Variants in GFRA1 observed in about 807,000 individuals in gnomAD.
GFRA1 encodes the protein GDNF family receptor alpha-1.
Under a neutral mutation model 51.6 loss-of-function variants are expected in GFRA1, and 16 were observed. The observed-to-expected ratio is 0.31, with a 90% confidence interval of 0.21 to 0.47. The LOEUF is 0.47. Among genes scored for constraint, GFRA1 ranks in the 20% least tolerant of loss-of-function variants. The pLI is 1.00. For missense variants in GFRA1, 530 were observed against 594.3 expected, an observed-to-expected ratio of 0.89 and a Z score of 1.13; for synonymous variants, 270 against 241.3, an observed-to-expected ratio of 1.12 and a Z score of -1.10.
chr10:116,127,684 G>C (rs1395337627), intron 5 of GFRA1, among the ~76,000 whole-genome samples: 2 of 152,164 alleles, frequency 1.3e-5, no homozygotes, highest in African/African-American at 4.8e-5. Context: ...GAGTGAAATA[G>C]TCGCCATGTG....
chr10:116,206,957 T>A (rs4636574), intron 5 of GFRA1, among the ~76,000 whole-genome samples: 1 of 151,974 alleles, frequency 6.6e-6, no homozygotes, highest in African/African-American at 2.4e-5. Flanking sequence ...TTAACCTTAA[T>A]TCACCACCAT....
intron 5 of GFRA1, among the ~76,000 whole-genome samples, chr10:116,128,136 A>C (rs1214847921): frequency 6.6e-6 from 1 of 152,198 alleles, no homozygotes; most frequent in East Asian, 1.9e-4. Flanking sequence ...GGACCCATGG[A>C]GAAGCCGAGC....
chr10:116,070,502 G>A (rs1208631267), intron 9 of GFRA1, among the ~76,000 whole-genome samples: 2 of 152,170 alleles, frequency 1.3e-5, no homozygotes, highest in Non-Finnish European at 2.9e-5. Context: ...CAAGCCATGG[G>A]AAGAAGAGTA....
intron 9 of GFRA1, among the ~76,000 whole-genome samples, chr10:116,073,989 C>A (rs779544491): frequency 6.6e-6 from 1 of 152,094 alleles, no homozygotes; most frequent in Non-Finnish European, 1.5e-5. Flanking sequence ...TTTTAGAATA[C>A]GTGCTTTTAG....
At chr10:116,071,589 C>T (rs1327463632) in intron 9 of GFRA1, among the ~76,000 whole-genome samples, 1 of 152,192 alleles carries the variant, frequency 6.6e-6, no homozygotes, top group East Asian at 1.9e-4. Flanking sequence ...AGCTGACAGA[C>T]AGGCTCCAGC....
chr10:116,187,321 G>A (rs770308666), intron 5 of GFRA1, among the ~76,000 whole-genome samples: 7 of 152,018 alleles, frequency 4.6e-5, no homozygotes, highest in Non-Finnish European at 7.4e-5. Context: ...GTGTCTGCTC[G>A]GCCAGCATCT....
chr10:116,189,018 G>A (rs1447374686), intron 5 of GFRA1, among the ~76,000 whole-genome samples: 2 of 151,630 alleles, frequency 1.3e-5, no homozygotes, highest in South Asian at 2.1e-4. Context: ...ACTTTGGGAG[G>A]CTGGGGCAGG....
chr10:116,269,431 G>A (rs2134819769), intron 4 of GFRA1, 72 bp downstream of exon 4: 2 of 858,156 alleles, frequency 2.3e-6, no homozygotes, highest in Non-Finnish European at 4.1e-6. Context: ...TGCTCTTTGA[G>A]AGCCAAAGAG....
Position 116,059,146 on chromosome 10 carries a change from A to G in GFRA1, c.*5252T>C, listed in dbSNP as rs1954684627. 1 of 152,272 alleles carries G rather than the reference A, an allele frequency of 6.6e-6. No individual in the cohort carries two copies. The highest frequency in any genetic ancestry group is 2.4e-5 in the African/African-American group (1 of 41,464). The allele number at this position is 152,272 out of a possible 1,614,324, so 9.4% of individuals were successfully genotyped here. ...TCAATGCCAGGAATACGATGCCAATAGGCCAGTTCTTGCTACCGTATGACA... is the reference window on the plus strand; with the variant it reads ...TCAATGCCAGGAATACGATGCCAATGGGCCAGTTCTTGCTACCGTATGACA... On this transcript the variant is annotated 3_prime_UTR_variant, in exon 11 of 11. Coordinates refer to ENST00000355422, the MANE Select transcript of GFRA1 (RefSeq NM_005264.8).
chr10:116,245,744 A>G (rs1967812421), intron 4 of GFRA1, among the ~76,000 whole-genome samples: 3 of 152,228 alleles, frequency 2.0e-5, no homozygotes, highest in Admixed American at 2.0e-4. Flanking sequence ...ATGGAACACA[A>G]TTATTCAGCA....
At chr10:116,219,309 T>C (rs1474930868) in intron 4 of GFRA1, among the ~76,000 whole-genome samples, 1 of 152,240 alleles carries the variant, frequency 6.6e-6, no homozygotes, top group Non-Finnish European at 1.5e-5. Flanking sequence ...CCGAGTCTGC[T>C]AGTACTTTAT....
At chr10:116,207,890 G>A (rs1009969523) in intron 5 of GFRA1, among the ~76,000 whole-genome samples, 1 of 152,090 alleles carries the variant, frequency 6.6e-6, no homozygotes, top group Non-Finnish European at 1.5e-5. Flanking sequence ...GACTCTTGAA[G>A]CACGGCAGTT....
intron 5 of GFRA1, among the ~76,000 whole-genome samples, chr10:116,191,622 A>G (rs921460730): frequency 6.6e-6 from 1 of 152,238 alleles, no homozygotes; most frequent in African/African-American, 2.4e-5. Flanking sequence ...CAAGTCTCCA[A>G]ATATCCTCAA....
chr10:116,093,561 C>G, intron 8 of GFRA1, 141 bp downstream of exon 8: 1 of 759,106 alleles, frequency 1.3e-6, no homozygotes, highest in Non-Finnish European at 2.3e-6. Flanking sequence ...GAAAGACAGA[C>G]AGAGAGAGGA....
intron 10 of GFRA1, 86 bp from the exon 11 acceptor site, chr10:116,064,630 C>T: frequency 1.6e-6 from 2 of 1,262,646 alleles, no homozygotes; most frequent in Admixed American, 1.7e-5. Flanking sequence ...CCCCCGACTC[C>T]CCACTGGCTG....
intron 5 of GFRA1, among the ~76,000 whole-genome samples, chr10:116,203,654 T>C (rs1224455349): frequency 6.6e-6 from 1 of 152,114 alleles, no homozygotes; most frequent in South Asian, 2.1e-4. Flanking sequence ...AAGCAGGAGA[T>C]TCCCAGAAGC....
chr10:116,261,278 T>C (rs1969283331), intron 4 of GFRA1, among the ~76,000 whole-genome samples: 1 of 152,216 alleles, frequency 6.6e-6, no homozygotes, highest in African/African-American at 2.4e-5. Flanking sequence ...ACAATTTATG[T>C]TGCATTGTCC....
intron 9 of GFRA1, among the ~76,000 whole-genome samples, chr10:116,083,195 C>A (rs1027523182): frequency 6.6e-6 from 1 of 152,178 alleles, no homozygotes; most frequent in East Asian, 1.9e-4. Context: ...AAGGAAAGTG[C>A]GGAAGAACTG....
chr10:116,175,374 A>C (rs573641632), intron 5 of GFRA1, among the ~76,000 whole-genome samples: 1 of 152,286 alleles, frequency 6.6e-6, no homozygotes, highest in East Asian at 1.9e-4. Context: ...AGATGGCTTG[A>C]CATTTATCAG....
Sources: allele counts gnomAD v4.1 joint callset (sites outside exome capture counted in the v4.1 genomes callset), GRCh38; gene constraint gnomAD v4.1.1; transcripts MANE v1.5; gene names NCBI Gene and HGNC (gene_info 2026-07-23, HGNC 2026-07-21).